The following SYPL2 variants were observed in gnomAD, a reference collection of about 807,000 sequenced individuals.
SYPL2 encodes synaptophysin-like protein 2.
SYPL2 carries 24 observed loss-of-function variants against 31.3 expected under a neutral mutation model. That is an observed-to-expected ratio of 0.77 (90% confidence interval 0.56 to 1.08). The LOEUF (loss-of-function observed/expected upper bound fraction) is 1.08. Ranked by LOEUF, SYPL2 falls within the 50% of genes least tolerant of loss-of-function variation. SYPL2 has a pLI of 0.00. For synonymous variants in SYPL2, 144 were observed against 143.1 expected (o/e 1.01, Z -0.05); for missense variants, 342 against 360.1 (o/e 0.95, Z 0.41).
At chr1:109,472,605 C>CTTTTTTTTTTTTTT (rs59224604) in intron 2 of SYPL2, among the ~76,000 whole-genome samples, 2 of 71,082 alleles carry the variant, frequency 2.8e-5, no homozygotes, top group Non-Finnish European at 5.0e-5. Flanking sequence ...TTTTTCTTTA[C>CTTTTTTTTTTTTTT]TTTTTTTTTT....
At chr1:109,475,726 A>G (rs1396534993) in intron 3 of SYPL2, 21 bp downstream of exon 3, 1 of 1,605,910 alleles carries the variant, frequency 6.2e-7, no homozygotes, top group East Asian at 2.2e-5. Flanking sequence ...ATTGGTTCCA[A>G]CCCAGCACAT....
In SYPL2 at chr1:109,476,786, A is replaced by G; in HGVS notation, c.265A>G (p.Ile89Val). 6.2e-7 allele frequency: 1 copy of G among 1,614,048 alleles called. No homozygotes were observed. Among genetic ancestry groups the G allele is most frequent in the Non-Finnish European group, 8.5e-7 (1 of 1,180,006 alleles). Residue 89 changes from isoleucine (I) to valine (V), a missense_variant, in exon 4 of 6, where the codon ATC becomes GTC. Transcript: ENST00000369872. The stretch of plus-strand genomic sequence containing the variant: ...CCCTGCCACCTGCAGGTTGCACCGG[A>G]TCCAATATGAGATGCCCCTCTGCGA... ...AFGYPFRLHR[I>V]QYEMPLCDEE...
Position 109,478,026 on chromosome 1 carries a change from C to T in SYPL2, c.648+17C>T. The T allele has an allele frequency of 2.5e-6, 4 of 1,613,352 alleles. No individual in the cohort carries two copies. The highest frequency in any genetic ancestry group is 3.4e-6 in the Non-Finnish European group (4 of 1,179,830). On this transcript the variant is annotated intron_variant, in intron 5 of 5. Coordinates refer to ENST00000369872, the MANE Select transcript of SYPL2 (RefSeq NM_001040709.2). The surrounding 1 kb of genome is among the most constrained non-coding windows in gnomAD (Gnocchi z 4.0). ...ATCTCCGTGGTGAGACCTGTGGCCA[C>T]TGCAGGAAGCAGCACCAGCCCTGCT...
At chr1:109,477,225 G>A (rs916297933) in intron 4 of SYPL2, among the ~76,000 whole-genome samples, 5 of 152,022 alleles carry the variant, frequency 3.3e-5, no homozygotes, top group East Asian at 1.9e-4. Flanking sequence ...GTGTGATCTC[G>A]GACAAGTTAA....
At chr1:109,467,244 G>C in intron 2 of SYPL2, 111 bp downstream of exon 2, 1 of 764,842 alleles carries the variant, frequency 1.3e-6, no homozygotes. Flanking sequence ...GGGCCACGGC[G>C]GAAGGGTGGG....
chr1:109,470,635 C>T (rs1198564543), intron 2 of SYPL2, among the ~76,000 whole-genome samples: 1 of 152,194 alleles, frequency 6.6e-6, no homozygotes, highest in African/African-American at 2.4e-5. Context: ...AACCAGTTTG[C>T]TCATCTCAGA....
intron 2 of SYPL2, among the ~76,000 whole-genome samples, chr1:109,474,318 C>CT (rs1291997353): frequency 2.4e-3 from 289 of 119,382 alleles, no homozygotes; most frequent in African/African-American, 8.8e-3. Flanking sequence ...CTTTTCTTTT[C>CT]TTTTCTTTTT....
At position 109,479,533 on chromosome 1, in the gene SYPL2, AGTG is replaced by A. The variant is rs1557862329; in HGVS notation, c.806_808del (p.Val269del). Reference sequence around the variant, plus strand: ...AGGAGAGTGCAGCTGAGCAGGGAGCAGTGGAGAAGCAGTAAGCAGCCCCCCACC... The same window carrying A: ...AGGAGAGTGCAGCTGAGCAGGGAGCAGAGAAGCAGTAAGCAGCCCCCCACC... On this transcript the variant is annotated inframe_deletion, in exon 6 of 6. Coordinates refer to ENST00000369872, the MANE Select transcript of SYPL2 (RefSeq NM_001040709.2). The A allele has an allele frequency of 8.1e-6, 13 of 1,613,896 alleles. No homozygotes were observed. The highest frequency in any genetic ancestry group is 3.3e-5 in the Admixed American group (2 of 60,016).
Position 109,479,441 on chromosome 1 carries a change from C to T in SYPL2, c.712C>T (p.Pro238Ser). 1 of 1,614,180 alleles carries T rather than the reference C, an allele frequency of 6.2e-7. No homozygotes were observed. Among genetic ancestry groups the T allele is most frequent in the South Asian group, 1.1e-5 (1 of 91,086 alleles). ...CTGTTGGTTTGTGTTCAAGGAGACCCCGTGGCATGGACAGGGCCAGGGCCA... is the reference window on the plus strand; with the variant it reads ...CTGTTGGTTTGTGTTCAAGGAGACCTCGTGGCATGGACAGGGCCAGGGCCA... ...GNCWFVFKET[P>S]WHGQGQGQDQ... The change falls in exon 6 of 6, where the codon CCG (proline) becomes TCG (serine). Residue 238 changes from proline (P) to serine (S), a missense_variant. Transcript: ENST00000369872.
rs1656062318 is a variant in SYPL2 at position 109,478,350 on chromosome 1, G to A, written c.648+341G>A. On this transcript the variant is annotated intron_variant, in intron 5 of 5. Transcript: ENST00000369872. The surrounding 1 kb of genome is among the most constrained non-coding windows in gnomAD (Gnocchi z 4.0). Reference sequence around the variant, plus strand: ...CACAATGTGTGTGAACACATAAAGGGGAGCCTGGGGCTGTGGCTGAGCTTG... The same window carrying A: ...CACAATGTGTGTGAACACATAAAGGAGAGCCTGGGGCTGTGGCTGAGCTTG... 6.6e-6 allele frequency among the ~76,000 whole-genome samples: 1 copy of A among 152,218 alleles called. No homozygotes were observed. The highest frequency in any genetic ancestry group is 1.5e-5 in the Non-Finnish European group (1 of 68,044).
rs1278128594 is a variant in SYPL2 at position 109,477,908 on chromosome 1, C to T, written c.547C>T (p.Arg183Ter). The T allele has an allele frequency of 9.9e-6, 16 of 1,614,058 alleles. No homozygotes were observed. The highest frequency in any genetic ancestry group is 6.7e-5 in the Admixed American group (4 of 60,012). The change falls in exon 5 of 6, where the codon CGA (arginine) becomes TGA (stop). Residue 183 changes from arginine to a stop codon, truncating the protein, a stop_gained. Coordinates refer to ENST00000369872, the MANE Select transcript of SYPL2 (RefSeq NM_001040709.2). LOFTEE classifies it high-confidence loss of function. ...KGLTDVKGATRPSSLTAAMSV... is the reference protein window; with the variant it reads ...KGLTDVKGAT ...CCTGACCGATGTCAAGGGGGCCACA[C>T]GACCATCCAGCTTGACAGCAGCCAT...
chr1:109,479,685 G>A lies in SYPL2; in HGVS notation c.*137G>A. 10 of 1,387,668 alleles carry A rather than the reference G, an allele frequency of 7.2e-6. No individual in the cohort carries two copies. The highest frequency in any genetic ancestry group is 8.7e-6 in the Non-Finnish European group (9 of 1,034,086). The allele number at this position is 1,387,668 out of a possible 1,614,324, so 86.0% of individuals were successfully genotyped here. ...CTTTGAGCTTTGAGACGATGGGCAGGCATCAGCTGTTGGAAACCTGGGCAG... is the reference window on the plus strand; with the variant it reads ...CTTTGAGCTTTGAGACGATGGGCAGACATCAGCTGTTGGAAACCTGGGCAG... On this transcript the variant is annotated 3_prime_UTR_variant, in exon 6 of 6. Transcript: ENST00000369872.
Position 109,479,800 on chromosome 1 carries a change from C to T in SYPL2, c.*252C>T. The T allele has an allele frequency of 1.8e-6, 1 of 541,516 alleles. No homozygotes were observed. 33.5% of individuals were successfully genotyped at this position (541,516 alleles called of 1,614,324 possible). A position where few individuals can be genotyped will look rare whatever the true frequency, so the allele number is the denominator to read the frequency against. On this transcript the variant is annotated 3_prime_UTR_variant, in exon 6 of 6. Transcript: ENST00000369872. The stretch of plus-strand genomic sequence containing the variant: ...TTGTGCAGTGCCTGGACCCAGGTAT[C>T]TTACTTGGGGTCTTACTTGTACCCT...
intron 2 of SYPL2, 100 bp downstream of exon 2, chr1:109,467,233 C>T: frequency 3.8e-6 from 1 of 262,432 alleles, no homozygotes; most frequent in Non-Finnish European, 5.6e-6. Context: ...GTGCTGCGGC[C>T]GGGCCACGGC....
At position 109,466,680 on chromosome 1, in the gene SYPL2, C is replaced by A; in HGVS notation, c.-164C>A. 1 of 647,676 alleles carries A rather than the reference C, an allele frequency of 1.5e-6. No individual in the cohort carries two copies. The highest frequency in any genetic ancestry group is 2.3e-6 in the Non-Finnish European group (1 of 443,216). The allele number at this position is 647,676 out of a possible 1,614,324, so 40.1% of individuals were successfully genotyped here. A position where few individuals can be genotyped will look rare whatever the true frequency, so the allele number is the denominator to read the frequency against. On this transcript the variant is annotated 5_prime_UTR_variant, in exon 1 of 6. Coordinates refer to ENST00000369872, the MANE Select transcript of SYPL2 (RefSeq NM_001040709.2). ...AGCAGCGCCCCCGCGTCCCAGCCAG[C>A]CAGCCAGCCAGACTGGACTCCGGCC...
chr1:109,474,567 C>T (rs1265597596), intron 2 of SYPL2, among the ~76,000 whole-genome samples: 1 of 152,044 alleles, frequency 6.6e-6, no homozygotes. Flanking sequence ...TCTCAAACTC[C>T]TGACCTCAAA....
Position 109,478,665 on chromosome 1 carries a change from G to C in SYPL2, c.648+656G>C. ...CACCAGGAACACACGTCTGGAACTT[G>C]CTGGAACCCTGCTTATGGTTCCCCC... On this transcript the variant is annotated intron_variant, in intron 5 of 5. Transcript: ENST00000369872. This position sits in a 1 kb window ranked among gnomAD's most constrained non-coding sequence, Gnocchi z 4.0. 6.6e-6 allele frequency among the ~76,000 whole-genome samples: 1 copy of C among 152,092 alleles called. No individual in the cohort carries two copies. The highest frequency in any genetic ancestry group is 1.9e-4 in the East Asian group (1 of 5,200).
Position 109,466,749 on chromosome 1 carries a change from C to T in SYPL2, c.-95C>T. The T allele has an allele frequency of 7.4e-7, 1 of 1,357,530 alleles. No individual in the cohort carries two copies. Among genetic ancestry groups the T allele is most frequent in the Non-Finnish European group, 9.6e-7 (1 of 1,044,238 alleles). 84.1% of individuals were successfully genotyped at this position (1,357,530 alleles called of 1,614,324 possible). On this transcript the variant is annotated 5_prime_UTR_variant, in exon 1 of 6. Coordinates refer to ENST00000369872, the MANE Select transcript of SYPL2 (RefSeq NM_001040709.2). ...CTCCGGCCCCGCTCGCCTGCTCTGC[C>T]CCGGACCTGCAGCTCCCCGCTCCCC...
chr1:109,476,767 C>T lies in SYPL2; in HGVS notation c.255-9C>T, dbSNP rs771707852. 17 of 1,613,582 alleles carry T rather than the reference C, an allele frequency of 1.1e-5. No individual in the cohort carries two copies. Among genetic ancestry groups the T allele is most frequent in the South Asian group, 2.2e-5 (2 of 91,016 alleles). On this transcript the variant is annotated splice_polypyrimidine_tract_variant and intron_variant, in intron 3 of 5. Coordinates refer to ENST00000369872, the MANE Select transcript of SYPL2 (RefSeq NM_001040709.2). ...CTGAGCTCAGGATGGCCTCCCCTGC[C>T]ACCTGCAGGTTGCACCGGATCCAAT...
Sources: gnomAD v4.1 joint callset for allele counts (sites outside exome capture counted in the v4.1 genomes callset) on GRCh38, gnomAD v4.1.1 for gene constraint, Gnocchi (gnomAD v3.1) non-coding constraint, MANE v1.5 for transcripts, NCBI Gene and HGNC (gene_info 2026-07-23, HGNC 2026-07-21) for gene names.